The following KTN1 variants were observed in gnomAD, a reference collection of about 807,000 sequenced individuals.
KTN1 encodes the protein kinectin 1.
KTN1 carries 130 observed loss-of-function variants against 222.5 expected under a neutral mutation model. The ratio of observed to expected loss-of-function variants is 0.58; its 90% CI spans 0.51 to 0.68. The LOEUF (loss-of-function observed/expected upper bound fraction) is 0.68. KTN1 is among the 30% of genes least tolerant of loss of function. The pLI is 0.00. For synonymous variants in KTN1, 512 were observed against 496.3 expected, an observed-to-expected ratio of 1.03 and a Z score of -0.42; for missense variants, 1,508 against 1,500.4, an observed-to-expected ratio of 1.01 and a Z score of -0.08.
intron 6 of KTN1, 49 bp from the exon 7 acceptor site, chr14:55,629,908 T>C (rs778467795): frequency 2.7e-5 from 32 of 1,174,456 alleles, no homozygotes; most frequent in Non-Finnish European, 3.8e-5. Context: ...TGCAGGCTTA[T>C]GATACTTATT....
In KTN1 at chr14:55,634,552, G is replaced by C. The variant is rs774000802; in HGVS notation, c.1355G>C (p.Arg452Pro). The C allele has an allele frequency of 6.2e-7, 1 of 1,613,154 alleles. No individual in the cohort carries two copies. Among genetic ancestry groups the C allele is most frequent in the Non-Finnish European group, 8.5e-7 (1 of 1,179,658 alleles). ...SKQSAELNKLRQDYARLVNEL... is the reference protein window; with the variant it reads ...SKQSAELNKLPQDYARLVNEL... ...CAGTCTGCAGAACTAAATAAACTAC[G>C]CCAGGATTATGCTAGGTTGGTGAAT... The change falls in exon 9 of 44, where the codon CGC becomes CCC. Residue 452 changes from arginine to proline, a missense_variant. Coordinates refer to ENST00000395314, the MANE Select transcript of KTN1 (RefSeq NM_001079521.2).
chr14:55,675,649 AT>A, intron 40 of KTN1, 185 bp from the exon 41 acceptor site: 2 of 427,216 alleles, frequency 4.7e-6, no homozygotes, highest in Non-Finnish European at 8.3e-6. Context: ...GGCTTTTCTT[AT>A]GTTTAGCTTT....
At chr14:55,618,508 T>A (rs1232595843) in intron 4 of KTN1, among the ~76,000 whole-genome samples, 1 of 152,156 alleles carries the variant, frequency 6.6e-6, no homozygotes, top group African/African-American at 2.4e-5. Context: ...ATCCCCTGTT[T>A]CCACATAAGT....
Position 55,589,847 on chromosome 14 carries a change from C to T in KTN1, c.-31+9493C>T, listed in dbSNP as rs957771894. Among the ~76,000 whole-genome samples the T allele has an allele frequency of 6.6e-5, 10 of 151,676 alleles. No individual in the cohort carries two copies. In the East Asian group the frequency reaches 1.4e-3, roughly 21 times the overall value. On this transcript the variant is annotated intron_variant, in intron 1 of 43. Transcript: ENST00000395314. ...CTAATTTTTGTATTTTTAGTAGAAA[C>T]GGGGTTTCACCATGTTGGCCAGGAT...
intron 40 of KTN1, chr14:55,674,940 C>CA (rs1470520037): frequency 6.6e-6 from 1 of 152,096 alleles, no homozygotes; most frequent in Admixed American, 6.6e-5. Context: ...TATTAAAACT[C>CA]AAAGTTGTGT....
intron 43 of KTN1, chr14:55,682,494 C>T (rs2046459963): frequency 6.6e-6 from 1 of 152,112 alleles, no homozygotes; most frequent in Non-Finnish European, 1.5e-5. Flanking sequence ...TCCCAGGTTA[C>T]CTTATCTTGG....
Position 55,678,376 on chromosome 14 carries a change from C to T in KTN1, c.3880C>T (p.Gln1294Ter). The T allele has an allele frequency of 6.2e-7, 1 of 1,610,686 alleles. No homozygotes were observed. The highest frequency in any genetic ancestry group is 8.5e-7 in the Non-Finnish European group (1 of 1,176,994). ...HKAQQSLELI[Q>*]SKIVKAAGDT... ...GGCTCAACAGTCACTGGAGCTTATC[C>T]AGTCAAAAATAGTAAAAGCTGCTGG... is the stretch of plus-strand genomic sequence containing the variant. The change falls in exon 42 of 44, where the codon CAG becomes TAG. Residue 1294 changes from glutamine (Q) to a stop codon, truncating the protein, a stop_gained. Transcript: ENST00000395314. LOFTEE classifies it high-confidence loss of function.
rs968985212 is a variant in KTN1, at chr14:55,671,512, G to A, written c.3349-54G>A. On this transcript the variant is annotated intron_variant, in intron 35 of 43. Transcript: ENST00000395314. ...TATTAAGTACTAAAACAAACTTGAA[G>A]CATAAAACTTTCTGGTAGAATTATG... is the stretch of plus-strand genomic sequence containing the variant. 15 of 1,328,308 alleles carry A rather than the reference G, an allele frequency of 1.1e-5. No homozygotes were observed. In the African/African-American group the frequency reaches 2.2e-4, roughly 20 times the overall value. 82.3% of individuals were successfully genotyped at this position (1,328,308 alleles called of 1,614,324 possible). A position where few individuals can be genotyped will look rare whatever the true frequency, so the allele number is the denominator to read the frequency against.
Position 55,648,802 on chromosome 14 carries a change from G to A in KTN1, c.2299G>A (p.Ala767Thr), listed in dbSNP as rs1419092308. 1.9e-6 allele frequency: 3 copies of A among 1,592,332 alleles called. No homozygotes were observed. Among genetic ancestry groups the A allele is most frequent in the Admixed American group, 1.7e-5 (1 of 59,524 alleles). The change falls in exon 21 of 44, where the codon GCA (alanine) becomes ACA (threonine). Residue 767 changes from alanine (A) to threonine (T), a missense_variant and splice_region_variant. Ala to Thr is a moderately conservative substitution (Grantham distance 58, BLOSUM62 0). Coordinates refer to ENST00000395314, the MANE Select transcript of KTN1 (RefSeq NM_001079521.2). ...QVATKEEELN[A>T]IRTENSSLTK... ...TTTTGCTTATGTGTCTTTGAAAAAG[G>A]CAATAAGAACAGAAAATTCATCTCT...
chr14:55,602,369 A>C (rs1566683533), intron 1 of KTN1, among the ~76,000 whole-genome samples: 1 of 152,194 alleles, frequency 6.6e-6, no homozygotes, highest in Non-Finnish European at 1.5e-5. Flanking sequence ...ATGGAGGCTC[A>C]AGTTAGGATT....
chr14:55,637,537 C>T (rs1020279202), intron 11 of KTN1, among the ~76,000 whole-genome samples, 173 bp downstream of exon 11: 2 of 151,640 alleles, frequency 1.3e-5, no homozygotes, highest in African/African-American at 4.8e-5. Flanking sequence ...AAGGTGTGCT[C>T]ACCCACAGTC....
intron 1 of KTN1, among the ~76,000 whole-genome samples, chr14:55,581,122 C>T (rs142150311): frequency 0.011 from 1,688 of 152,330 alleles, 8 homozygotes; most frequent in Middle Eastern, 0.02. Context: ...GGGACCTCGC[C>T]GGAAAACTAC....
intron 35 of KTN1, chr14:55,671,353 C>T: frequency 1.9e-6 from 1 of 535,154 alleles, no homozygotes; most frequent in South Asian, 2.8e-5. Context: ...GACTTTAGTA[C>T]CAAGACTATT....
chr14:55,673,084 T>C, intron 39 of KTN1, 72 bp downstream of exon 39: 4 of 1,503,382 alleles, frequency 2.7e-6, no homozygotes, highest in Non-Finnish European at 3.7e-6. Context: ...TATTTCAGTA[T>C]AAGTTGTTTG....
chr14:55,670,871 T>C, intron 35 of KTN1, 62 bp downstream of exon 35: 1 of 1,128,136 alleles, frequency 8.9e-7, no homozygotes, highest in Admixed American at 2.0e-5. Context: ...AATAAGATTT[T>C]GTCTTCATAA....
chr14:55,639,833 A>C, intron 13 of KTN1, 80 bp from the exon 14 acceptor site: 1 of 878,294 alleles, frequency 1.1e-6, no homozygotes, highest in Admixed American at 2.0e-5. Flanking sequence ...AGTAAGGATG[A>C]TGCTTTTTAA....
intron 28 of KTN1, among the ~76,000 whole-genome samples, chr14:55,655,538 A>T (rs985440076): frequency 6.6e-6 from 1 of 152,136 alleles, no homozygotes; most frequent in African/African-American, 2.4e-5. Flanking sequence ...CATCATTTTG[A>T]TGGTGGTGTT....
rs1314562644 is a variant in KTN1, at chr14:55,640,525, T to C, written c.1983+83T>C. ...TTTCATTGATATTGTGAGCCCCAAT[T>C]TGATTGTGTAAGTAAAAAATATAAT... On this transcript the variant is annotated intron_variant, in intron 15 of 43. Coordinates refer to ENST00000395314, the MANE Select transcript of KTN1 (RefSeq NM_001079521.2). 13 of 925,680 alleles carry C rather than the reference T, an allele frequency of 1.4e-5. No individual in the cohort carries two copies. In the East Asian group the frequency reaches 3.3e-4, roughly 23 times the overall value. 57.3% of individuals were successfully genotyped at this position (925,680 alleles called of 1,614,324 possible).
At chr14:55,589,972 C>T (rs1246376102) in intron 1 of KTN1, among the ~76,000 whole-genome samples, 1 of 151,932 alleles carries the variant, frequency 6.6e-6, no homozygotes, top group Non-Finnish European at 1.5e-5. Context: ...TATCTGATTT[C>T]TTAAGGTAGC....
Sources: gnomAD v4.1 joint callset for allele counts (sites outside exome capture counted in the v4.1 genomes callset) on GRCh38, gnomAD v4.1.1 for gene constraint, MANE v1.5 for transcripts, NCBI Gene and HGNC (gene_info 2026-07-23, HGNC 2026-07-21) for gene names.